CCDC141: variants seen among roughly 807,000 people sequenced by gnomAD.
The protein encoded by CCDC141 is coiled-coil domain-containing protein 141.
CCDC141 carries 168 observed loss-of-function variants against 181.0 expected under a neutral mutation model. The ratio of observed to expected loss-of-function variants is 0.93; its 90% CI spans 0.82 to 1.05. The LOEUF (loss-of-function observed/expected upper bound fraction) is 1.05, where lower values mean the gene tolerates loss of function less well. Among genes scored for constraint, CCDC141 ranks in the 50% least tolerant of loss-of-function variants. The probability of loss-of-function intolerance (pLI) is 0.00; values close to 1 mark genes in which losing one functional copy is unlikely to be tolerated. For missense variants in CCDC141, 1,902 were observed against 1,788.5 expected, an observed-to-expected ratio of 1.06 and a Z score of -1.14; for synonymous variants, 666 against 642.3, an observed-to-expected ratio of 1.04 and a Z score of -0.56.
At chr2:178,937,811 T>A (rs929298520) in intron 6 of CCDC141, among the ~76,000 whole-genome samples, 2 of 152,214 alleles carry the variant, frequency 1.3e-5, no homozygotes, top group African/African-American at 4.8e-5. Context: ...GGGAGGTATA[T>A]GTGTCTAGAA....
intron 2 of CCDC141, among the ~76,000 whole-genome samples, chr2:178,997,385 C>T (rs1053376449): frequency 6.6e-6 from 1 of 152,104 alleles, no homozygotes; most frequent in Non-Finnish European, 1.5e-5. Flanking sequence ...TTTCTTTTCT[C>T]TTCCCCTAAG....
chr2:178,911,338 T>G (rs1433925829), intron 7 of CCDC141, among the ~76,000 whole-genome samples: 1 of 152,186 alleles, frequency 6.6e-6, no homozygotes, highest in Non-Finnish European at 1.5e-5. Context: ...AAGGTACCAA[T>G]AGTACTTCTA....
chr2:178,835,931 GT>G (rs891357947), intron 23 of CCDC141: 1 of 152,528 alleles, frequency 6.6e-6, no homozygotes, highest in African/African-American at 2.4e-5. Context: ...AGAAACCAAA[GT>G]TTTCTCATAA....
chr2:178,828,302 T>C (rs564772590), downstream of CCDC141, among the ~76,000 whole-genome samples: 9 of 152,300 alleles, frequency 5.9e-5, no homozygotes, highest in South Asian at 2.1e-4. Context: ...CCTCACCGTG[T>C]TGCGTAGCCA....
In CCDC141 at chr2:178,868,029, C is replaced by A. The variant is rs1309777135; in HGVS notation, c.2571G>T (p.Arg857=). ...GATAGTGTTATTAGATGCTTACAGG[C>A]CGCTGCACTGATGAGATGATGTCGA... is the stretch of plus-strand genomic sequence containing the variant. The part of the protein sequence containing the change: ...LGVDIISSVQ[R]PHCSNVSAKN... The change falls in exon 16 of 24, where the codon CGG becomes CGT. Residue 857 remains arginine (R), a synonymous_variant. Transcript: ENST00000443758. 6.2e-7 allele frequency: 1 copy of A among 1,612,272 alleles called. No individual in the cohort carries two copies.
chr2:179,048,051 A>C (rs981745119), intron 1 of CCDC141, among the ~76,000 whole-genome samples: 2 of 152,158 alleles, frequency 1.3e-5, no homozygotes, highest in African/African-American at 4.8e-5. Context: ...AGCACAGTCA[A>C]CTTGCTTTCC....
At chr2:178,895,331 C>A (rs1687353901) in intron 8 of CCDC141, among the ~76,000 whole-genome samples, 1 of 152,172 alleles carries the variant, frequency 6.6e-6, no homozygotes, top group Admixed American at 6.5e-5. Flanking sequence ...TCCCTAAACC[C>A]TGTAATATGA....
chr2:178,883,173 T>C (rs1456496485), intron 11 of CCDC141, among the ~76,000 whole-genome samples: 1 of 152,228 alleles, frequency 6.6e-6, no homozygotes, highest in Non-Finnish European at 1.5e-5. Context: ...CAAGCACTTC[T>C]TTGTAGCTTC....
In CCDC141 at chr2:178,872,325, T is replaced by C; in HGVS notation, c.1900-13A>G. 1 of 1,591,386 alleles carries C rather than the reference T, an allele frequency of 6.3e-7. No homozygotes were observed. Among genetic ancestry groups the C allele is most frequent in the Non-Finnish European group, 8.6e-7 (1 of 1,166,498 alleles). On this transcript the variant is annotated splice_polypyrimidine_tract_variant and intron_variant, in intron 12 of 23. Transcript: ENST00000443758. The stretch of plus-strand genomic sequence containing the variant: ...CGTTCTCTTTTGCCTGTTAAATTAA[T>C]AATTCATATAATAGCTTTTCTTTCC...
Position 178,902,818 on chromosome 2 carries a change from C to T in CCDC141, c.1265+2511G>A, listed in dbSNP as rs572157561. Among the ~76,000 whole-genome samples, 177 of 149,456 alleles carry T rather than the reference C, an allele frequency of 1.2e-3. 3 individuals carry two copies. The highest frequency in any genetic ancestry group is 4.0e-3 in the African/African-American group (166 of 41,150). On this transcript the variant is annotated intron_variant, in intron 8 of 23. Transcript: ENST00000443758. ...AGAAACTACCATCAGAGTGAACAGG[C>T]AACCTACAAAATGGGAGAAAATTTT...
chr2:178,855,853 G>C (rs1163267003), intron 18 of CCDC141, among the ~76,000 whole-genome samples: 1 of 152,160 alleles, frequency 6.6e-6, no homozygotes, highest in South Asian at 2.1e-4. Context: ...CCTGGAAAAG[G>C]CATTCAAATA....
chr2:178,830,126 T>A lies in CCDC141; in HGVS notation c.*4047A>T. The stretch of plus-strand genomic sequence containing the variant: ...GGTTTTGACAGTTTGGATTTAGTCA[T>A]AGAGAGTGGAGGCATCCAGTTCCTC... On this transcript the variant is annotated 3_prime_UTR_variant, in exon 24 of 24. Coordinates refer to ENST00000443758, the MANE Select transcript of CCDC141 (RefSeq NM_173648.4). The A allele has an allele frequency of 6.6e-6, 1 of 152,216 alleles. No individual in the cohort carries two copies. The highest frequency in any genetic ancestry group is 1.9e-4 in the East Asian group (1 of 5,196). The allele number at this position is 152,216 out of a possible 1,614,324, so 9.4% of individuals were successfully genotyped here. A position where few individuals can be genotyped will look rare whatever the true frequency, so the allele number is the denominator to read the frequency against.
chr2:179,035,737 C>T (rs965614597), intron 2 of CCDC141, among the ~76,000 whole-genome samples: 8 of 152,146 alleles, frequency 5.3e-5, no homozygotes, highest in African/African-American at 1.7e-4. Flanking sequence ...CCCAGAGTTA[C>T]AATTCCAAGT....
At chr2:178,892,958 C>G (rs1439547567) in intron 8 of CCDC141, among the ~76,000 whole-genome samples, 1 of 152,166 alleles carries the variant, frequency 6.6e-6, no homozygotes, top group Non-Finnish European at 1.5e-5. Flanking sequence ...AGACTTCTAG[C>G]TCTAACAGTC....
intron 2 of CCDC141, among the ~76,000 whole-genome samples, chr2:178,983,770 G>C (rs1475789216): frequency 6.6e-6 from 1 of 151,764 alleles, no homozygotes; most frequent in Non-Finnish European, 1.5e-5. Context: ...AGAGAAAAAA[G>C]AATAAAAAGA....
intron 8 of CCDC141, among the ~76,000 whole-genome samples, chr2:178,896,210 C>A (rs1001609229): frequency 6.6e-6 from 1 of 152,196 alleles, no homozygotes; most frequent in Non-Finnish European, 1.5e-5. Context: ...TCTCAGCCTA[C>A]CAAATACAGC....
intron 2 of CCDC141, among the ~76,000 whole-genome samples, chr2:179,007,404 C>A (rs999340634): frequency 5.3e-5 from 8 of 152,278 alleles, no homozygotes; most frequent in East Asian, 1.9e-4. Flanking sequence ...AAATTGAAAT[C>A]TTTAAATCAC....
chr2:178,906,776 G>A (rs1245862518), intron 7 of CCDC141, among the ~76,000 whole-genome samples: 1 of 152,180 alleles, frequency 6.6e-6, no homozygotes, highest in East Asian at 1.9e-4. Flanking sequence ...GTACCACTAA[G>A]ACCTGAAGGA....
intron 2 of CCDC141, among the ~76,000 whole-genome samples, chr2:179,041,015 A>G (rs2043281660): frequency 1.3e-5 from 2 of 152,180 alleles, no homozygotes; most frequent in South Asian, 2.1e-4. Context: ...CCAGCATGGT[A>G]AAAGCATTCC....
Sources: allele counts gnomAD v4.1 joint callset (sites outside exome capture counted in the v4.1 genomes callset), GRCh38; gene constraint gnomAD v4.1.1; transcripts MANE v1.5; gene names NCBI Gene and HGNC (gene_info 2026-07-23, HGNC 2026-07-21).